The following OSBPL10 variants were observed in gnomAD, a reference collection of about 807,000 sequenced individuals.
OSBPL10 encodes oxysterol-binding protein-related protein 10.
Under a neutral mutation model 81.7 loss-of-function variants are expected in OSBPL10, and 49 were observed. The ratio of observed to expected loss-of-function variants is 0.60; its 90% CI spans 0.48 to 0.76. The LOEUF is 0.76. Among genes scored for constraint, OSBPL10 ranks in the 30% least tolerant of loss-of-function variants. The pLI is 0.00. For synonymous variants in OSBPL10, 419 were observed against 383.6 expected (o/e 1.09, Z -1.08); for missense variants, 923 against 987.8 (o/e 0.93, Z 0.88).
intron 5 of OSBPL10, among the ~76,000 whole-genome samples, chr3:31,738,892 G>A (rs1697264641): frequency 6.6e-6 from 1 of 151,978 alleles, no homozygotes; most frequent in South Asian, 2.1e-4. Context: ...CTCAAGAAAT[G>A]GGGATGTCAT....
chr3:31,814,560 G>C lies in OSBPL10; in HGVS notation c.729+15480C>G, dbSNP rs556076704. The stretch of plus-strand genomic sequence containing the variant: ...CACAGGACACAGGTGCCCGAAGCTG[G>C]AGTGATGCGTCTATGAACCACAGAA... On this transcript the variant is annotated intron_variant, in intron 4 of 11. Transcript: ENST00000396556. Among the ~76,000 whole-genome samples the C allele has an allele frequency of 2.0e-5, 3 of 152,266 alleles. No individual in the cohort carries two copies. The East Asian group carries it at 5.8e-4, about 29-fold the overall frequency.
chr3:31,895,134 C>CTTTTTTTTTT (rs10529845), intron 1 of OSBPL10, among the ~76,000 whole-genome samples: 9,481 of 124,246 alleles, frequency 0.076, 752 homozygotes, highest in African/African-American at 0.17. Flanking sequence ...TCTCTGCGGC[C>CTTTTTTTTTT]TTTTTTTTTT....
At chr3:32,051,021 C>T (rs1034161514) in intron 1 of OSBPL10, among the ~76,000 whole-genome samples, 1 of 152,070 alleles carries the variant, frequency 6.6e-6, no homozygotes, top group Non-Finnish European at 1.5e-5. Flanking sequence ...AGTGGATATC[C>T]AAGCTATACA....
At chr3:31,773,396 C>A (rs78783412) in intron 4 of OSBPL10, among the ~76,000 whole-genome samples, 2,484 of 152,180 alleles carry the variant, frequency 0.016, 63 homozygotes, top group African/African-American at 0.056. Flanking sequence ...CCCAAACATG[C>A]AAAAACTGTA....
intron 1 of OSBPL10, among the ~76,000 whole-genome samples, chr3:31,942,635 G>A (rs182146040): frequency 9.3e-5 from 14 of 150,506 alleles, no homozygotes; most frequent in East Asian, 3.9e-4. Context: ...GTCAGCATCT[G>A]AGCCTGGCAT....
intron 7 of OSBPL10, 85 bp from the exon 8 acceptor site, chr3:31,684,199 T>C (rs2278960): frequency 0.51 from 778,281 of 1,530,752 alleles, 204,633 homozygotes; most frequent in African/African-American, 0.88. Context: ...CAACCACTGT[T>C]AAGCAAATTC....
chr3:31,833,073 T>TA (rs1418503403), intron 3 of OSBPL10, among the ~76,000 whole-genome samples: 2 of 152,208 alleles, frequency 1.3e-5, no homozygotes, highest in African/African-American at 4.8e-5. Flanking sequence ...AATAATCACC[T>TA]ACTTTCAGCT....
intron 1 of OSBPL10, among the ~76,000 whole-genome samples, chr3:31,925,260 G>A (rs989585970): frequency 1.3e-5 from 2 of 151,956 alleles, no homozygotes; most frequent in African/African-American, 4.8e-5. Context: ...CTCCTAGGCT[G>A]TCCAGGACAA....
At chr3:32,001,334 G>T (rs1559547260) in intron 2 of OSBPL10, among the ~76,000 whole-genome samples, 1 of 152,168 alleles carries the variant, frequency 6.6e-6, no homozygotes. Context: ...TTGCTGATCT[G>T]TTGGTGTATT....
chr3:32,037,569 T>C, intron 2 of OSBPL10: 1 of 237,854 alleles, frequency 4.2e-6, no homozygotes. Context: ...AACCAAGAGC[T>C]CTTAACACTG....
At chr3:32,046,253 C>T (rs143511231) in intron 2 of OSBPL10, among the ~76,000 whole-genome samples, 18 of 152,228 alleles carry the variant, frequency 1.2e-4, no homozygotes, top group Non-Finnish European at 2.1e-4. Flanking sequence ...AAATGGGGTC[C>T]TTCTTATATA....
At chr3:31,955,774 T>C (rs1377636741) in intron 1 of OSBPL10, among the ~76,000 whole-genome samples, 2 of 152,186 alleles carry the variant, frequency 1.3e-5, no homozygotes, top group African/African-American at 4.8e-5. Context: ...TAGAAAACTA[T>C]AAGCTACATT....
chr3:31,720,411 T>A (rs1442474913), intron 6 of OSBPL10, among the ~76,000 whole-genome samples: 2 of 152,102 alleles, frequency 1.3e-5, no homozygotes, highest in Non-Finnish European at 2.9e-5. Flanking sequence ...GGCTTCACTG[T>A]GTATAAAAAG....
At chr3:31,981,315 A>G (rs1422147381), upstream of OSBPL10, 2 of 1,247,238 alleles carry the variant, frequency 1.6e-6, no homozygotes, top group Non-Finnish European at 2.0e-6. The surrounding 1 kb of genome is among the most constrained non-coding windows in gnomAD (Gnocchi z 4.5). Context: ...TGACTCATAC[A>G]GGAGGAAGAG....
intron 2 of OSBPL10, among the ~76,000 whole-genome samples, chr3:32,043,016 A>G (rs1177604906): frequency 6.6e-6 from 1 of 152,174 alleles, no homozygotes; most frequent in Non-Finnish European, 1.5e-5. Flanking sequence ...TCGAGAGCAG[A>G]GAACTGGTCT....
intron 3 of OSBPL10, among the ~76,000 whole-genome samples, chr3:31,847,194 CTTTTTTT>C (rs1165840077): frequency 6.9e-6 from 1 of 144,926 alleles, no homozygotes; most frequent in Non-Finnish European, 1.5e-5. Flanking sequence ...CTCCCCATTC[CTTTTTTT>C]TTTTTTTTTT....
intron 1 of OSBPL10, among the ~76,000 whole-genome samples, chr3:31,977,320 G>A (rs560417573): frequency 1.3e-5 from 2 of 152,058 alleles, no homozygotes; most frequent in South Asian, 4.1e-4. Flanking sequence ...AGCCCAGGCC[G>A]CCAGCATCTC....
intron 2 of OSBPL10, among the ~76,000 whole-genome samples, chr3:32,028,542 T>C (rs1699436851): frequency 6.6e-6 from 1 of 152,186 alleles, no homozygotes; most frequent in Admixed American, 6.5e-5. Flanking sequence ...GATACATACA[T>C]ACACATATAC....
chr3:32,014,799 T>C (rs1172848370), intron 2 of OSBPL10, among the ~76,000 whole-genome samples: 2 of 152,120 alleles, frequency 1.3e-5, no homozygotes, highest in African/African-American at 4.8e-5. Flanking sequence ...TATACACCAA[T>C]AACAGACAAA....
Sources: gnomAD v4.1 joint callset for allele counts (sites outside exome capture counted in the v4.1 genomes callset) on GRCh38, gnomAD v4.1.1 for gene constraint, Gnocchi (gnomAD v3.1) non-coding constraint, MANE v1.5 for transcripts, NCBI Gene and HGNC (gene_info 2026-07-23, HGNC 2026-07-21) for gene names.